ZNF568: variants seen among roughly 807,000 people sequenced by gnomAD.
ZNF568 encodes p53 inhibitor of SCO2 activation.
ZNF568 carries 11 observed loss-of-function variants against 18.1 expected under a neutral mutation model. The observed-to-expected ratio is 0.61, with a 90% confidence interval of 0.38 to 1.00. ZNF568 has a LOEUF of 1.00. Among genes scored for constraint, ZNF568 ranks in the 50% least tolerant of loss-of-function variants. ZNF568 has a pLI of 0.01. For synonymous variants in ZNF568, 213 were observed against 246.6 expected (o/e 0.86, Z 1.28); for missense variants, 639 against 768.2 (o/e 0.83, Z 1.99).
In ZNF568 at chr19:36,996,875, AT is replaced by A. The variant is rs1568412003; in HGVS notation, c.789del (p.Tyr263Ter). The A allele has an allele frequency of 1.3e-6, 2 of 1,539,864 alleles. No individual in the cohort carries two copies. The highest frequency in any genetic ancestry group is 1.4e-5 in the African/African-American group (1 of 73,118). The stretch of plus-strand genomic sequence containing the variant: ...AGGATGCATCTTGGTGAGAAACCCT[AT>A]AAGTGTAGGGAGTGTGGGAAAGCCT... On this transcript the variant is annotated frameshift_variant, in exon 5 of 5. Coordinates refer to the ZNF568 transcript ENST00000433993. LOFTEE classifies it low-confidence loss of function (END_TRUNC).
intron 4 of ZNF568, among the ~76,000 whole-genome samples, chr19:36,935,018 G>C (rs2073764826): frequency 6.6e-6 from 1 of 150,960 alleles, no homozygotes; most frequent in Non-Finnish European, 1.5e-5. Flanking sequence ...CATAATTATA[G>C]TTCACTATAG....
At chr19:36,979,755 A>G (rs921258159) in exon 8 of ZNF568, 1 of 152,164 alleles carries the variant, frequency 6.6e-6, no homozygotes, top group Non-Finnish European at 1.5e-5. Flanking sequence ...TGTAACTAAA[A>G]AAGGAATTGC....
At chr19:36,946,108 G>A (rs8112709) in intron 6 of ZNF568, among the ~76,000 whole-genome samples, 29,656 of 151,402 alleles carry the variant, frequency 0.2, 3,045 homozygotes, top group African/African-American at 0.26. Context: ...TAATAATAAT[G>A]ATAACAATAA....
At position 36,936,771 on chromosome 19, in the gene ZNF568, C is replaced by CTG; in HGVS notation, c.163_164dup (p.Asp56LeufsTer11). ...GAAACAGTGACATTTAAGGATGTGG[C>CTG]TGTTGACCTTACCCAGGAGGAGTGG... On this transcript the variant is annotated frameshift_variant, in exon 5 of 7. Coordinates refer to ENST00000333987, the MANE Select transcript of ZNF568 (RefSeq NM_198539.4). LOFTEE classifies it high-confidence loss of function. 1 of 1,613,674 alleles carries CTG rather than the reference C, an allele frequency of 6.2e-7. No homozygotes were observed. The highest frequency in any genetic ancestry group is 2.2e-5 in the East Asian group (1 of 44,874).
chr19:36,977,423 TTTTG>T (rs1364312271), intron 7 of ZNF568, among the ~76,000 whole-genome samples: 1 of 152,088 alleles, frequency 6.6e-6, no homozygotes, highest in African/African-American at 2.4e-5. Context: ...TTTTGTTTTG[TTTTG>T]TTTTTTGTCC....
chr19:36,971,682 G>C (rs560524232), intron 6 of ZNF568, among the ~76,000 whole-genome samples: 6 of 152,186 alleles, frequency 3.9e-5, no homozygotes, highest in Non-Finnish European at 8.8e-5. Flanking sequence ...GGGACTACAG[G>C]TGCACACCAC....
At chr19:36,925,466 T>A (rs1190201414) in intron 4 of ZNF568, among the ~76,000 whole-genome samples, 2 of 152,192 alleles carry the variant, frequency 1.3e-5, no homozygotes, top group Non-Finnish European at 2.9e-5. Flanking sequence ...AGTTCAAATT[T>A]AAATATGATC....
At chr19:36,992,375 G>A (rs775808054) in intron 4 of ZNF568, among the ~76,000 whole-genome samples, 3 of 151,962 alleles carry the variant, frequency 2.0e-5, no homozygotes, top group African/African-American at 4.8e-5. Context: ...GGTGGCAGGT[G>A]CCTGTAGTCC....
At chr19:36,917,678 A>C (rs1238797871) in intron 2 of ZNF568, 30 bp downstream of exon 2, 1 of 152,164 alleles carries the variant, frequency 6.6e-6, no homozygotes, top group Non-Finnish European at 1.5e-5. Flanking sequence ...ATTTATCATG[A>C]TTGCTCATAA....
At position 36,942,616 on chromosome 19, in the gene ZNF568, A is replaced by AT. The variant is rs1401227098; in HGVS notation, c.358+5374_358+5375insT. ...TCCGTCTCAAAAAAAAAAAAAAAAA[A>AT]AGAAGAATAGAGAGATAATATAAGG... On this transcript the variant is annotated intron_variant, in intron 6 of 6. Coordinates refer to ENST00000333987, the MANE Select transcript of ZNF568 (RefSeq NM_198539.4). Among the ~76,000 whole-genome samples, 20 of 139,558 alleles carry AT rather than the reference A, an allele frequency of 1.4e-4. No homozygotes were observed. The Admixed American group carries it at 1.5e-3, about 10-fold the overall frequency. 91.6% of individuals were successfully genotyped at this position (139,558 alleles called of 152,430 possible).
At chr19:36,987,822 CTGTGTGTGTGTG>C (rs56000710) in intron 2 of ZNF568, among the ~76,000 whole-genome samples, 4 of 146,300 alleles carry the variant, frequency 2.7e-5, no homozygotes, top group Non-Finnish European at 6.0e-5. Context: ...AACACAGACT[CTGTGTGTGTGTG>C]TGTGTGTGTG....
At chr19:36,954,451 A>G (rs1402862529), downstream of ZNF568, among the ~76,000 whole-genome samples, 1 of 152,234 alleles carries the variant, frequency 6.6e-6, no homozygotes, top group East Asian at 1.9e-4. Context: ...ACTTCAGTGA[A>G]AACAATGACA....
At chr19:36,930,477 G>A (rs1213770942) in intron 4 of ZNF568, among the ~76,000 whole-genome samples, 1 of 152,114 alleles carries the variant, frequency 6.6e-6, no homozygotes, top group Non-Finnish European at 1.5e-5. Context: ...CCAAAGTGCT[G>A]GGATTACAAG....
chr19:36,951,901 G>T lies in ZNF568; in HGVS notation c.*813G>T, dbSNP rs1236691510. On this transcript the variant is annotated 3_prime_UTR_variant, in exon 7 of 7. Transcript: ENST00000333987. ...CTCTTTGGCCTCCCAAAGTGCTGGG[G>T]TTTACAGGCTTGAGCCACTGCACCT... 4 of 981,818 alleles carry T rather than the reference G, an allele frequency of 4.1e-6. No homozygotes were observed. The highest frequency in any genetic ancestry group is 1.8e-5 in the African/African-American group (1 of 56,932). 60.8% of individuals were successfully genotyped at this position (981,818 alleles called of 1,614,324 possible).
intron 3 of ZNF568, among the ~76,000 whole-genome samples, chr19:36,924,830 C>CAAAAAAAAAAA (rs1011268515): frequency 8.0e-6 from 1 of 124,362 alleles, no homozygotes; most frequent in Non-Finnish European, 1.7e-5. Flanking sequence ...GACTCCATCT[C>CAAAAAAAAAAA]AAAAAAAAAA....
In ZNF568 at chr19:36,936,850, C is replaced by G. The variant is rs757596251; in HGVS notation, c.240C>G (p.Asn80Lys). The G allele has an allele frequency of 6.2e-7, 1 of 1,613,842 alleles. No homozygotes were observed. The highest frequency in any genetic ancestry group is 8.5e-7 in the Non-Finnish European group (1 of 1,179,768). ...TGTATCGAGATGTGATGCTGGAGAACTACAGCAACCTAGTCACAGTGGGTA... is the reference window on the plus strand; with the variant it reads ...TGTATCGAGATGTGATGCTGGAGAAGTACAGCAACCTAGTCACAGTGGGTA... The part of the protein sequence containing the change: ...RNLYRDVMLE[N>K]YSNLVTVGCQ... Residue 80 changes from asparagine to lysine, a missense_variant, in exon 5 of 7, where the codon AAC (asparagine) becomes AAG (lysine). By Grantham distance (94) the Asn-to-Lys change is moderately conservative (BLOSUM62 0). Transcript: ENST00000333987.
intron 6 of ZNF568, among the ~76,000 whole-genome samples, chr19:36,948,946 T>C (rs2074012036): frequency 6.6e-6 from 1 of 152,156 alleles, no homozygotes; most frequent in African/African-American, 2.4e-5. Flanking sequence ...TTATTGTCAT[T>C]TGCATCTTCA....
exon 5 of ZNF568, chr19:36,996,952 A>C (rs772697174): frequency 6.5e-7 from 1 of 1,538,718 alleles, no homozygotes; most frequent in Admixed American, 2.0e-5. Flanking sequence ...TACTGATGAG[A>C]AATACTATGA....
At chr19:36,977,379 G>C (rs1430745793) in intron 7 of ZNF568, among the ~76,000 whole-genome samples, 1 of 150,340 alleles carries the variant, frequency 6.7e-6, no homozygotes, top group African/African-American at 2.5e-5. Context: ...GAGTGGCATG[G>C]TATTTGTAGG....
Sources: gnomAD v4.1 joint callset for allele counts (sites outside exome capture counted in the v4.1 genomes callset) on GRCh38, gnomAD v4.1.1 for gene constraint, MANE v1.5 for transcripts, NCBI Gene and HGNC (gene_info 2026-07-23, HGNC 2026-07-21) for gene names.